The following SLCO1B3 variants were observed in gnomAD, a reference collection of about 807,000 sequenced individuals.
SLCO1B3 encodes the protein liver-specific organic anion transporter 2.
A neutral mutation model predicts 71.8 loss-of-function variants in SLCO1B3; 72 were observed. The observed-to-expected ratio is 1.00, with a 90% CI of 0.83 to 1.22. The LOEUF (loss-of-function observed/expected upper bound fraction) is 1.22, where lower values mean the gene tolerates loss of function less well. SLCO1B3 is among the 50% of genes most tolerant of loss of function. The pLI is 0.00. For missense variants in SLCO1B3, 911 were observed against 819.7 expected (o/e 1.11, Z -1.36); for synonymous variants, 298 against 278.4 (o/e 1.07, Z -0.70).
At chr12:20,838,721 T>C (rs1257504065) in intron 3 of SLCO1B3, among the ~76,000 whole-genome samples, 1 of 151,974 alleles carries the variant, frequency 6.6e-6, no homozygotes, top group Non-Finnish European at 1.5e-5. Flanking sequence ...CAGTAAAATA[T>C]GGTGTTATAA....
chr12:20,811,387 C>T (rs17674085), intron 1 of SLCO1B3, among the ~76,000 whole-genome samples: 15,633 of 152,210 alleles, frequency 0.1, 1,058 homozygotes, highest in Middle Eastern at 0.17. Flanking sequence ...TTCACCCATT[C>T]AGGAAGGTGG....
chr12:20,892,732 A>C (rs916948002), intron 13 of SLCO1B3, among the ~76,000 whole-genome samples: 1 of 152,180 alleles, frequency 6.6e-6, no homozygotes, highest in Non-Finnish European at 1.5e-5. Flanking sequence ...AGAAAATGTG[A>C]ACTAGTAATC....
chr12:20,825,798 C>CA (rs3060437), intron 3 of SLCO1B3, among the ~76,000 whole-genome samples: 27,550 of 85,842 alleles, frequency 0.32, 3,816 homozygotes, highest in Non-Finnish European at 0.35. Flanking sequence ...GACTCTGTCT[C>CA]AAAAAAAAAA....
At chr12:20,834,193 T>C (rs1864620605) in intron 3 of SLCO1B3, among the ~76,000 whole-genome samples, 1 of 145,792 alleles carries the variant, frequency 6.9e-6, no homozygotes, top group Non-Finnish European at 1.5e-5. Context: ...TAAACATATA[T>C]AAACTATATA....
rs1466970573 is a variant in SLCO1B3 at position 20,900,801 on chromosome 12, C to G, written c.1748-549C>G. Among the ~76,000 whole-genome samples, 3 of 152,286 alleles carry G rather than the reference C, an allele frequency of 2.0e-5. No individual in the cohort carries two copies. In the East Asian group the frequency reaches 5.8e-4, roughly 29 times the overall value. On this transcript the variant is annotated intron_variant, in intron 14 of 15. Transcript: ENST00000381545. ...AGAAGGAAGTAAAACTGGCCAATAG[C>G]TCGGAGCACCCCGTGAAGCTGGGCC...
chr12:20,858,373 G>T (rs1470155484), intron 4 of SLCO1B3, 66 bp from the exon 5 acceptor site: 2 of 1,138,948 alleles, frequency 1.8e-6, no homozygotes, highest in Non-Finnish European at 2.6e-6. Flanking sequence ...TTCATTTGGG[G>T]CATTCAGTTC....
intron 14 of SLCO1B3, among the ~76,000 whole-genome samples, chr12:20,898,926 A>G (rs1465378748): frequency 1.3e-5 from 2 of 152,208 alleles, no homozygotes; most frequent in Non-Finnish European, 2.9e-5. Flanking sequence ...GAGGTTGTCT[A>G]GAACAACAGA....
intron 3 of SLCO1B3, among the ~76,000 whole-genome samples, chr12:20,830,708 A>G (rs1360967828): frequency 1.3e-5 from 2 of 152,172 alleles, no homozygotes; most frequent in Non-Finnish European, 2.9e-5. Flanking sequence ...ATGTTAAACA[A>G]GGTTCCTTTT....
At chr12:20,841,222 T>C (rs1257028454) in intron 3 of SLCO1B3, among the ~76,000 whole-genome samples, 1 of 152,182 alleles carries the variant, frequency 6.6e-6, no homozygotes, top group Non-Finnish European at 1.5e-5. Flanking sequence ...TGTCCTCATC[T>C]CTTTTATGGA....
At position 20,858,660 on chromosome 12, in the gene SLCO1B3, T is replaced by TA. The variant is rs58397825; in HGVS notation, c.359+90dup. On this transcript the variant is annotated intron_variant, in intron 5 of 15. Transcript: ENST00000381545. ...ATTTTTATACTTGTAAGTGGGCAGTTACCTTTTGAGAGGAATACCTATAGG... is the reference window on the plus strand; with the variant it reads ...ATTTTTATACTTGTAAGTGGGCAGTTAACCTTTTGAGAGGAATACCTATAGG... 5,598 of 1,268,082 alleles carry TA rather than the reference T, an allele frequency of 4.4e-3. 191 individuals are homozygous for TA. In the African/African-American group the frequency reaches 0.071, roughly 16 times the overall value. The allele number at this position is 1,268,082 out of a possible 1,614,324, so 78.6% of individuals were successfully genotyped here. A position where few individuals can be genotyped will look rare whatever the true frequency, so the allele number is the denominator to read the frequency against.
chr12:20,850,481 A>C (rs1565588759), intron 3 of SLCO1B3, among the ~76,000 whole-genome samples: 1 of 151,616 alleles, frequency 6.6e-6, no homozygotes, highest in Non-Finnish European at 1.5e-5. Context: ...ATGAGGTTTC[A>C]CCGCATTAGC....
Position 20,848,346 on chromosome 12 carries a change from A to G in SLCO1B3, c.85-6682A>G, listed in dbSNP as rs1180474307. Among the ~76,000 whole-genome samples, 4 of 152,328 alleles carry G rather than the reference A, an allele frequency of 2.6e-5. No individual in the cohort carries two copies. In the East Asian group the frequency reaches 7.7e-4, roughly 29 times the overall value. ...ACACAAAAAATGCCAAATGCTGGCAAATATGAGGAGCAACCAGAATTCTCA... is the reference window on the plus strand; with the variant it reads ...ACACAAAAAATGCCAAATGCTGGCAGATATGAGGAGCAACCAGAATTCTCA... On this transcript the variant is annotated intron_variant, in intron 3 of 15. Transcript: ENST00000381545.
chr12:20,825,494 C>T, intron 3 of SLCO1B3, among the ~76,000 whole-genome samples: 1 of 152,054 alleles, frequency 6.6e-6, no homozygotes, highest in East Asian at 1.9e-4. Flanking sequence ...GAAGTAAAAG[C>T]CCTTTAATTT....
chr12:20,879,280 C>A (rs991664184), intron 10 of SLCO1B3, among the ~76,000 whole-genome samples, 156 bp from the exon 11 acceptor site: 21 of 144,186 alleles, frequency 1.5e-4, no homozygotes, highest in Non-Finnish European at 2.2e-4. Flanking sequence ...GCGATCTCGG[C>A]TCACTGCAAG....
rs532121926 is a variant in SLCO1B3, at chr12:20,828,648, C to CACAT, written c.84+12829_84+12830insTACA. 1.1e-3 allele frequency among the ~76,000 whole-genome samples: 159 copies of CACAT among 147,720 alleles called. 4 individuals are homozygous for CACAT. In the South Asian group the frequency reaches 0.033, roughly 30 times the overall value. On this transcript the variant is annotated intron_variant, in intron 3 of 15. Transcript: ENST00000381545. ...AAGCATAAAGGCACACACACACATA[C>CACAT]ACACACACACACACACACTCACACA...
intron 15 of SLCO1B3, among the ~76,000 whole-genome samples, chr12:20,907,665 C>G (rs983120215): frequency 6.6e-6 from 1 of 151,582 alleles, no homozygotes; most frequent in East Asian, 2.0e-4. Flanking sequence ...CCCGCCATTA[C>G]GGCAGGCTAA....
rs1865191276 is a variant in SLCO1B3 at position 20,858,661 on chromosome 12, A to G, written c.359+90A>G. 4.9e-6 allele frequency: 6 copies of G among 1,229,806 alleles called. No individual in the cohort carries two copies. The Admixed American group carries it at 1.1e-4, about 22-fold the overall frequency. 76.2% of individuals were successfully genotyped at this position (1,229,806 alleles called of 1,614,324 possible). A position where few individuals can be genotyped will look rare whatever the true frequency, so the allele number is the denominator to read the frequency against. ...TTTTTATACTTGTAAGTGGGCAGTT[A>G]CCTTTTGAGAGGAATACCTATAGGT... On this transcript the variant is annotated intron_variant, in intron 5 of 15. Coordinates refer to ENST00000381545, the MANE Select transcript of SLCO1B3 (RefSeq NM_019844.4).
At chr12:20,886,822 G>C (rs1294991865) in intron 13 of SLCO1B3, among the ~76,000 whole-genome samples, 1 of 151,830 alleles carries the variant, frequency 6.6e-6, no homozygotes, top group African/African-American at 2.4e-5. Context: ...CACCCGAATC[G>C]TGTACTTTAT....
intron 3 of SLCO1B3, among the ~76,000 whole-genome samples, chr12:20,831,898 C>T (rs10841661): frequency 0.45 from 68,947 of 151,850 alleles, 16,115 homozygotes; most frequent in African/African-American, 0.56. Flanking sequence ...GTTTTGTTTG[C>T]GTTAATAGAT....
Sources: gnomAD v4.1 joint callset for allele counts (sites outside exome capture counted in the v4.1 genomes callset) on GRCh38, gnomAD v4.1.1 for gene constraint, MANE v1.5 for transcripts, NCBI Gene and HGNC (gene_info 2026-07-23, HGNC 2026-07-21) for gene names.